The following USP48 variants were observed in gnomAD, a reference collection of about 807,000 sequenced individuals.
The protein encoded by USP48 is ubiquitin specific peptidase 48, also known as ubiquitin carboxyl-terminal hydrolase 48.
In USP48, 43 loss-of-function variants were observed where a neutral mutation model predicts 150.7. That is an observed-to-expected ratio of 0.29 (90% CI 0.22 to 0.37). The LOEUF is 0.37. Ranked by LOEUF, USP48 falls within the 10% of genes least tolerant of loss-of-function variation. The pLI is 1.00. For synonymous variants in USP48, 396 were observed against 425.9 expected (o/e 0.93, Z 0.86); for missense variants, 813 against 1,249.6 (o/e 0.65, Z 5.27).
chr1:21,734,152 A>T (rs1183355995), intron 9 of USP48, among the ~76,000 whole-genome samples: 1 of 152,224 alleles, frequency 6.6e-6, no homozygotes, highest in African/African-American at 2.4e-5. Flanking sequence ...TAATGCCAAC[A>T]CTTTTGGGAG....
At chr1:21,774,128 C>G (rs2097890382) in intron 1 of USP48, among the ~76,000 whole-genome samples, 1 of 150,928 alleles carries the variant, frequency 6.6e-6, no homozygotes, top group Admixed American at 6.6e-5. Context: ...GCAGTGAGAG[C>G]AGATAACGCC....
chr1:21,704,291 G>A lies in USP48; in HGVS notation c.2486C>T (p.Pro829Leu), dbSNP rs755154262. Residue 829 changes from proline (P) to leucine (L), a missense_variant, in exon 20 of 27, where the codon CCT becomes CTT. Physicochemically the swap from Pro to Leu is moderately conservative, Grantham distance 98 (BLOSUM62 -3). Transcript: ENST00000308271. Reference protein sequence around the residue: ...ITRIEVGDVNPSETQYISEPK... With the variant: ...ITRIEVGDVNLSETQYISEPK... ...CTCAGAAATATACTGTGTTTCTGAA[G>A]GGTTTACATCTCCCACTTCAATTCT... The A allele has an allele frequency of 2.3e-5, 37 of 1,613,234 alleles. No homozygotes were observed. Among genetic ancestry groups the A allele is most frequent in the Non-Finnish European group, 2.5e-5 (29 of 1,179,768 alleles).
At chr1:21,748,104 T>TATGGTAGAACACATAGTA (rs776832268) in intron 7 of USP48, 34 bp downstream of exon 7, 3 of 1,599,472 alleles carry the variant, frequency 1.9e-6, no homozygotes, top group Non-Finnish European at 2.6e-6. Flanking sequence ...TAGACCACAA[T>TATGGTAGAACACATAGTA]GAACAACAAA....
intron 9 of USP48, among the ~76,000 whole-genome samples, chr1:21,731,614 C>A (rs2097757088): frequency 6.6e-6 from 1 of 150,688 alleles, no homozygotes; most frequent in Non-Finnish European, 1.5e-5. Context: ...GGTGCGGTGG[C>A]TCATGCCTGT....
At chr1:21,763,249 C>T (rs528617037) in intron 1 of USP48, among the ~76,000 whole-genome samples, 13 of 152,308 alleles carry the variant, frequency 8.5e-5, no homozygotes, top group Non-Finnish European at 1.6e-4. Flanking sequence ...TCACTGAATA[C>T]GTCTTCAGTC....
intron 6 of USP48, among the ~76,000 whole-genome samples, chr1:21,750,686 G>A (rs571688304): frequency 5.3e-5 from 8 of 151,920 alleles, no homozygotes; most frequent in South Asian, 2.1e-4. Context: ...CAGCCTGACC[G>A]ACATGGTAAA....
intron 8 of USP48, among the ~76,000 whole-genome samples, chr1:21,739,691 C>T (rs1362860276): frequency 2.0e-5 from 3 of 152,068 alleles, no homozygotes; most frequent in Admixed American, 6.6e-5. Context: ...AAATGCACAA[C>T]GCATTATTAA....
intron 11 of USP48, 64 bp downstream of exon 11, chr1:21,728,505 AT>A (rs2097746066): frequency 1.9e-6 from 3 of 1,558,512 alleles, no homozygotes; most frequent in Non-Finnish European, 2.6e-6. Context: ...CTTCATATAC[AT>A]TTGTGAACAT....
intron 22 of USP48, among the ~76,000 whole-genome samples, chr1:21,696,817 AAGAGGTTAATGATC>A (rs1202269034): frequency 1.4e-5 from 2 of 144,414 alleles, no homozygotes; most frequent in African/African-American, 2.5e-5. Context: ...ATCCCTCATC[AAGAGGTTAATGATC>A]AGAGGTTAAT....
Position 21,758,187 on chromosome 1 carries a change from C to CACAA in USP48, c.135-405_135-404insTTGT, listed in dbSNP as rs1396063649. On this transcript the variant is annotated intron_variant, in intron 1 of 26. Coordinates refer to ENST00000308271, the MANE Select transcript of USP48 (RefSeq NM_032236.8). The stretch of plus-strand genomic sequence containing the variant: ...GGCAGAGTACTATGCAACTGTAAAA[C>CACAA]ACACACACACACACACACACACACA... Among the ~76,000 whole-genome samples the CACAA allele has an allele frequency of 3.0e-4, 40 of 133,196 alleles. No homozygotes were observed. The South Asian group carries it at 8.5e-3, about 28-fold the overall frequency. 87.4% of individuals were successfully genotyped at this position (133,196 alleles called of 152,430 possible).
intron 1 of USP48, chr1:21,768,495 A>G (rs1344274350): frequency 6.6e-6 from 1 of 152,278 alleles, no homozygotes; most frequent in Non-Finnish European, 1.5e-5. Context: ...AGGCAGTTAG[A>G]TTTCCAAGAA....
chr1:21,718,311 T>C (rs751729417), intron 14 of USP48, among the ~76,000 whole-genome samples: 3 of 152,208 alleles, frequency 2.0e-5, no homozygotes, highest in Non-Finnish European at 2.9e-5. Flanking sequence ...ACTGTGCCCA[T>C]ATGAGCTGTA....
intron 1 of USP48, among the ~76,000 whole-genome samples, chr1:21,760,025 T>A (rs901623845): frequency 6.6e-6 from 1 of 152,204 alleles, no homozygotes; most frequent in Non-Finnish European, 1.5e-5. Flanking sequence ...CACCCAGTAA[T>A]GAATCTAATT....
intron 5 of USP48, among the ~76,000 whole-genome samples, chr1:21,752,213 T>C (rs1297952632): frequency 6.6e-6 from 1 of 152,136 alleles, no homozygotes; most frequent in Non-Finnish European, 1.5e-5. Flanking sequence ...GCACATTTTT[T>C]TAACAGGCAT....
intron 15 of USP48, chr1:21,715,097 T>C (rs1001678415): frequency 1.0e-5 from 3 of 298,460 alleles, no homozygotes; most frequent in African/African-American, 6.7e-5. Context: ...TAGATAGCCC[T>C]AACAAGATGA....
intron 25 of USP48, 45 bp downstream of exon 25, chr1:21,687,146 G>A (rs759632830): frequency 1.2e-5 from 19 of 1,585,804 alleles, no homozygotes; most frequent in East Asian, 4.5e-5. Flanking sequence ...TCCCACCTCC[G>A]TCTAAAACCT....
Position 21,747,049 on chromosome 1 carries a change from C to T in USP48, c.991+18G>A. 6.4e-7 allele frequency: 1 copy of T among 1,564,890 alleles called. No individual in the cohort carries two copies. The highest frequency in any genetic ancestry group is 8.7e-7 in the Non-Finnish European group (1 of 1,143,898). Reference sequence around the variant, plus strand: ...GTCTCTGAGCATTATAATGTTTACTCCTCAGTAAAAATATTACCTTTATGT... The same window carrying T: ...GTCTCTGAGCATTATAATGTTTACTTCTCAGTAAAAATATTACCTTTATGT... On this transcript the variant is annotated intron_variant, in intron 8 of 26. Transcript: ENST00000308271.
intron 9 of USP48, among the ~76,000 whole-genome samples, chr1:21,735,836 C>T (rs927821338): frequency 2.7e-5 from 4 of 149,528 alleles, no homozygotes; most frequent in Non-Finnish European, 4.4e-5. Flanking sequence ...TACAGTGAGC[C>T]GAAATCTCGC....
At chr1:21,707,958 T>C (rs755811334) in intron 15 of USP48, among the ~76,000 whole-genome samples, 2 of 152,096 alleles carry the variant, frequency 1.3e-5, no homozygotes, top group Non-Finnish European at 2.9e-5. Context: ...TGTCAGGAGT[T>C]TGAGACCAGC....
Sources: gnomAD v4.1 joint callset for allele counts (sites outside exome capture counted in the v4.1 genomes callset) on GRCh38, gnomAD v4.1.1 for gene constraint, MANE v1.5 for transcripts, NCBI Gene and HGNC (gene_info 2026-07-23, HGNC 2026-07-21) for gene names.